The following PARP8 variants were observed in gnomAD, a reference collection of about 807,000 sequenced individuals.
The protein encoded by PARP8 is poly(ADP-ribose) polymerase family member 8, also known as protein mono-ADP-ribosyltransferase PARP8.
PARP8 carries 51 observed loss-of-function variants against 124.1 expected under a neutral mutation model. The ratio of observed to expected loss-of-function variants is 0.41; its 90% confidence interval spans 0.33 to 0.52. The LOEUF is 0.52. Among genes scored for constraint, PARP8 ranks in the 20% least tolerant of loss-of-function variants. PARP8 has a pLI of 0.21. For synonymous variants in PARP8, 391 were observed against 361.5 expected, an observed-to-expected ratio of 1.08 and a Z score of -0.93; for missense variants, 860 against 1,018.9, an observed-to-expected ratio of 0.84 and a Z score of 2.12.
chr5:50,826,947 T>C (rs1041120126), intron 19 of PARP8, 144 bp downstream of exon 19: 5 of 1,220,488 alleles, frequency 4.1e-6, no homozygotes, highest in African/African-American at 1.6e-5. Flanking sequence ...TAGTTTGAAA[T>C]AGCCATTGCT....
intron 2 of PARP8, among the ~76,000 whole-genome samples, chr5:50,711,415 T>A (rs543876936): frequency 6.6e-6 from 1 of 152,234 alleles, no homozygotes; most frequent in Middle Eastern, 3.4e-3. Context: ...ACTGATTGAT[T>A]CAGGGCTGTC....
At chr5:50,710,424 A>G (rs1185261353) in intron 2 of PARP8, among the ~76,000 whole-genome samples, 1 of 152,146 alleles carries the variant, frequency 6.6e-6, no homozygotes, top group Non-Finnish European at 1.5e-5. Context: ...TATCAGCAAT[A>G]GTAGTAAAGA....
At chr5:50,667,457 G>A (rs749391373) in intron 1 of PARP8, 5 of 700,302 alleles carry the variant, frequency 7.1e-6, no homozygotes, top group Admixed American at 2.0e-5. Flanking sequence ...AAGGGGCAGT[G>A]CGTGGTATTT....
At chr5:50,737,952 T>C (rs2149528757) in intron 2 of PARP8, among the ~76,000 whole-genome samples, 1 of 152,338 alleles carries the variant, frequency 6.6e-6, no homozygotes, top group Admixed American at 6.5e-5. Context: ...TTCAAATAAT[T>C]ATACTTTACA....
chr5:50,748,992 C>T (rs1235690767), intron 2 of PARP8, among the ~76,000 whole-genome samples: 2 of 152,140 alleles, frequency 1.3e-5, no homozygotes, highest in East Asian at 3.8e-4. Flanking sequence ...CCATAAGTCA[C>T]TGATAGTCTG....
At chr5:50,786,663 T>C (rs886354894) in intron 9 of PARP8, among the ~76,000 whole-genome samples, 2 of 152,022 alleles carry the variant, frequency 1.3e-5, no homozygotes, top group African/African-American at 4.8e-5. Context: ...CCACTGTGCC[T>C]GGCCTGAAAA....
intron 2 of PARP8, among the ~76,000 whole-genome samples, chr5:50,720,741 T>TACCATCCA (rs56006136): frequency 0.89 from 135,414 of 151,576 alleles, 60,529 homozygotes; most frequent in East Asian, 0.96. Context: ...GTAACTGCCA[T>TACCATCCA]ACTCCTGACG....
chr5:50,720,466 T>C (rs1289788760), intron 2 of PARP8, among the ~76,000 whole-genome samples: 2 of 152,022 alleles, frequency 1.3e-5, no homozygotes, highest in Admixed American at 6.6e-5. Flanking sequence ...CTTATGGTCC[T>C]GGGTGGTATC....
At chr5:50,759,067 TAATG>T (rs937210126) in intron 3 of PARP8, among the ~76,000 whole-genome samples, 1 of 152,128 alleles carries the variant, frequency 6.6e-6, no homozygotes, top group Admixed American at 6.6e-5. Flanking sequence ...AATGATTTGA[TAATG>T]AATCTTTCCT....
chr5:50,834,078 T>G, intron 24 of PARP8, 30 bp downstream of exon 24: 2 of 1,508,946 alleles, frequency 1.3e-6, no homozygotes, highest in Non-Finnish European at 1.8e-6. Context: ...AACCTCATAG[T>G]GTTAGTTCCT....
chr5:50,745,650 C>A (rs960787339), intron 2 of PARP8, among the ~76,000 whole-genome samples: 3 of 152,254 alleles, frequency 2.0e-5, no homozygotes, highest in South Asian at 2.1e-4. Flanking sequence ...ATTTTGGATT[C>A]AGACATTGAT....
chr5:50,827,854 A>G (rs1232578218), intron 19 of PARP8, 90 bp from the exon 20 acceptor site: 1 of 924,968 alleles, frequency 1.1e-6, no homozygotes, highest in African/African-American at 1.6e-5. Context: ...AAAGTGGGTA[A>G]TTCTTAAACC....
chr5:50,730,489 G>A (rs1193866830), intron 2 of PARP8, among the ~76,000 whole-genome samples: 3 of 152,116 alleles, frequency 2.0e-5, no homozygotes, highest in Non-Finnish European at 4.4e-5. Context: ...TCACTATTAT[G>A]AGAACAGCAG....
intron 2 of PARP8, among the ~76,000 whole-genome samples, chr5:50,670,747 G>T (rs1343849595): frequency 3.3e-5 from 5 of 152,188 alleles, no homozygotes; most frequent in Non-Finnish European, 7.3e-5. Flanking sequence ...AAGCTGCCAT[G>T]TAAACCTGTT....
intron 14 of PARP8, among the ~76,000 whole-genome samples, chr5:50,810,605 G>A (rs32396): frequency 0.49 from 74,170 of 151,852 alleles, 20,813 homozygotes; most frequent in African/African-American, 0.78. Flanking sequence ...CTGTGAGCGA[G>A]AGAGACATCT....
chr5:50,762,964 T>C (rs111404946), intron 6 of PARP8, among the ~76,000 whole-genome samples, 184 bp from the exon 7 acceptor site: 2 of 152,238 alleles, frequency 1.3e-5, no homozygotes, highest in Admixed American at 1.3e-4. Context: ...AAACTAACTT[T>C]AAGTTCCAAC....
At chr5:50,808,595 ATTG>A (rs571906782) in intron 14 of PARP8, among the ~76,000 whole-genome samples, 18 of 151,972 alleles carry the variant, frequency 1.2e-4, no homozygotes, top group Admixed American at 9.2e-4. Flanking sequence ...GTGACCTTCT[ATTG>A]TTGTGGAAAC....
rs1363451513 is a variant in PARP8 at position 50,666,842 on chromosome 5, G to C, written c.-254G>C. ...CCATTGTCAGAAGGGGAGGAAATTGGAATCCAGCAGCGGCGAGCAGCAGCT... is the reference window on the plus strand; with the variant it reads ...CCATTGTCAGAAGGGGAGGAAATTGCAATCCAGCAGCGGCGAGCAGCAGCT... On this transcript the variant is annotated 5_prime_UTR_variant, in exon 1 of 26. Transcript: ENST00000281631. The C allele has an allele frequency of 7.4e-6, 10 of 1,342,524 alleles. No homozygotes were observed. Among genetic ancestry groups the C allele is most frequent in the Non-Finnish European group, 9.6e-6 (10 of 1,043,336 alleles). 83.2% of individuals were successfully genotyped at this position (1,342,524 alleles called of 1,614,324 possible).
In PARP8 at chr5:50,780,532, C is replaced by G. The variant is rs78040703; in HGVS notation, c.670+1882C>G. Among the ~76,000 whole-genome samples the G allele has an allele frequency of 5.5e-3, 844 of 152,212 alleles. 7 individuals carry two copies. The highest frequency in any genetic ancestry group is 0.019 in the African/African-American group (790 of 41,560). Reference sequence around the variant, plus strand: ...AGGGAGATATTTTCCTTCACAATATCTCTTTAAAGATTTTTTACATTTGCG... The same window carrying G: ...AGGGAGATATTTTCCTTCACAATATGTCTTTAAAGATTTTTTACATTTGCG... On this transcript the variant is annotated intron_variant, in intron 9 of 25. Transcript: ENST00000281631.
Sources: allele counts gnomAD v4.1 joint callset (sites outside exome capture counted in the v4.1 genomes callset), GRCh38; gene constraint gnomAD v4.1.1; transcripts MANE v1.5; gene names NCBI Gene and HGNC (gene_info 2026-07-23, HGNC 2026-07-21).